Variants in THUMPD2 observed in about 807,000 individuals in gnomAD.
The protein encoded by THUMPD2 is U6 snRNA (guanine-N(2))-methyltransferase THUMPD2.
Under a neutral mutation model 49.4 loss-of-function variants are expected in THUMPD2, and 56 were observed. That is an observed-to-expected ratio of 1.13 (90% CI 0.91 to 1.41). THUMPD2 has a LOEUF of 1.41. Ranked by LOEUF, THUMPD2 falls within the 40% of genes most tolerant of loss-of-function variation. The pLI, the probability that THUMPD2 is intolerant of heterozygous loss-of-function variation, is 0.00. For missense variants in THUMPD2, 709 were observed against 594.5 expected (o/e 1.19, Z -2.00); for synonymous variants, 237 against 205.2 (o/e 1.15, Z -1.32).
intron 8 of THUMPD2, 105 bp downstream of exon 8, chr2:39,755,190 A>G: frequency 1.5e-6 from 1 of 677,446 alleles, no homozygotes; most frequent in Non-Finnish European, 2.4e-6. Flanking sequence ...AGATATATTA[A>G]AGGGTAAAAC....
At chr2:39,738,431 G>T (rs1673435201) in intron 9 of THUMPD2, among the ~76,000 whole-genome samples, 1 of 151,926 alleles carries the variant, frequency 6.6e-6, no homozygotes, top group Admixed American at 6.6e-5. Flanking sequence ...AGGTGTGGTG[G>T]CGTGTGCCTG....
intron 9 of THUMPD2, among the ~76,000 whole-genome samples, chr2:39,738,348 A>G (rs183483191): frequency 1.7e-4 from 26 of 152,274 alleles, no homozygotes; most frequent in Middle Eastern, 3.4e-3. Flanking sequence ...GGATCGCTTG[A>G]GCACAGGAGT....
intron 6 of THUMPD2, among the ~76,000 whole-genome samples, chr2:39,758,922 CAG>C (rs1330166070): frequency 6.6e-6 from 1 of 152,046 alleles, no homozygotes; most frequent in Non-Finnish European, 1.5e-5. Context: ...GAAGAGCTTT[CAG>C]AGATACTCAA....
At chr2:39,763,100 T>C (rs1677036738) in intron 5 of THUMPD2, among the ~76,000 whole-genome samples, 2 of 152,042 alleles carry the variant, frequency 1.3e-5, no homozygotes, top group South Asian at 2.1e-4. Flanking sequence ...TGCTTTACTT[T>C]CAGAGAACCT....
Position 39,753,001 on chromosome 2 carries a change from T to C in THUMPD2, c.1078+2294A>G, listed in dbSNP as rs558746747. On this transcript the variant is annotated intron_variant, in intron 8 of 9. Transcript: ENST00000505747. Reference sequence around the variant, plus strand: ...GGCCTGGATATAGCAGACAAGCAATTCTCCTCCTTCCTCCGTCATGCCAAA... The same window carrying C: ...GGCCTGGATATAGCAGACAAGCAATCCTCCTCCTTCCTCCGTCATGCCAAA... 6.6e-5 allele frequency among the ~76,000 whole-genome samples: 10 copies of C among 152,144 alleles called. No homozygotes were observed. The South Asian group carries it at 1.7e-3, about 25-fold the overall frequency.
At chr2:39,767,116 C>T (rs1057128365) in intron 4 of THUMPD2, among the ~76,000 whole-genome samples, 6 of 152,088 alleles carry the variant, frequency 3.9e-5, no homozygotes, top group East Asian at 1.9e-4. Context: ...AATTTTACTA[C>T]GTGTGATTTT....
chr2:39,761,367 T>C lies in THUMPD2; in HGVS notation c.855A>G (p.Thr285=). 1 of 1,613,802 alleles carries C rather than the reference T, an allele frequency of 6.2e-7. No individual in the cohort carries two copies. Among genetic ancestry groups the C allele is most frequent in the Non-Finnish European group, 8.5e-7 (1 of 1,179,764 alleles). The change falls in exon 6 of 10, where the codon ACA becomes ACG. Residue 285 remains threonine (T), a synonymous_variant. Transcript: ENST00000505747. The stretch of plus-strand genomic sequence containing the variant: ...CCAGAGATGCCATTGCCCACGCTAT[T>C]GTAGATCGCAGTCCAGCTGTCTTGA... The part of the protein sequence containing the change: ...AYIKTAGLRS[T]IAWAMASLAD...
chr2:39,772,676 C>A lies in THUMPD2; in HGVS notation c.127-1036G>T, dbSNP rs993104503. Among the ~76,000 whole-genome samples the A allele has an allele frequency of 6.6e-5, 10 of 152,132 alleles. No individual in the cohort carries two copies. The East Asian group carries it at 1.9e-3, about 29-fold the overall frequency. Reference sequence around the variant, plus strand: ...TTAACTCTTTTAGGGTCAACCCAACCCTCTTAAGTCCAGGATGGATGTGGG... The same window carrying A: ...TTAACTCTTTTAGGGTCAACCCAACACTCTTAAGTCCAGGATGGATGTGGG... On this transcript the variant is annotated intron_variant, in intron 1 of 9. Coordinates refer to ENST00000505747, the MANE Select transcript of THUMPD2 (RefSeq NM_025264.5).
chr2:39,747,795 AT>A (rs1223040120), intron 8 of THUMPD2, among the ~76,000 whole-genome samples: 1 of 152,140 alleles, frequency 6.6e-6, no homozygotes, highest in Non-Finnish European at 1.5e-5. Context: ...CAGTCCCTCC[AT>A]TGACAGTGCC....
In THUMPD2 at chr2:39,768,305, T is replaced by C; in HGVS notation, c.750+119A>G. The C allele has an allele frequency of 3.7e-6, 3 of 806,488 alleles. No homozygotes were observed. In the South Asian group the frequency reaches 4.9e-5, roughly 13 times the overall value. 50.0% of individuals were successfully genotyped at this position (806,488 alleles called of 1,614,324 possible). On this transcript the variant is annotated intron_variant, in intron 4 of 9. Coordinates refer to ENST00000505747, the MANE Select transcript of THUMPD2 (RefSeq NM_025264.5). ...GCTAAAGATAAAATGGACTGTTGGA[T>C]CCCTGTAGATACACTTTTTATAACT...
intron 9 of THUMPD2, among the ~76,000 whole-genome samples, chr2:39,744,064 G>A (rs1286595836): frequency 6.7e-6 from 1 of 150,314 alleles, no homozygotes; most frequent in South Asian, 2.1e-4. Flanking sequence ...TTTTGTGAGG[G>A]ATGGAAGCAA....
chr2:39,767,400 C>T (rs543894622), intron 4 of THUMPD2, among the ~76,000 whole-genome samples: 9 of 151,194 alleles, frequency 6.0e-5, no homozygotes, highest in South Asian at 2.1e-4. Context: ...GTCAGGAGAT[C>T]GAGACCATCC....
chr2:39,758,800 AGGAG>A (rs1193793449), intron 6 of THUMPD2, among the ~76,000 whole-genome samples: 1 of 151,390 alleles, frequency 6.6e-6, no homozygotes, highest in Non-Finnish European at 1.5e-5. Context: ...AAAAAAAAAA[AGGAG>A]GAGGTCCCTC....
intron 9 of THUMPD2, among the ~76,000 whole-genome samples, chr2:39,737,936 G>A (rs551145173): frequency 2.6e-4 from 39 of 152,256 alleles, no homozygotes; most frequent in African/African-American, 8.7e-4. Context: ...GGGGAGTAAG[G>A]AGTTCAGCTT....
intron 1 of THUMPD2, among the ~76,000 whole-genome samples, chr2:39,772,230 G>C (rs543272175): frequency 6.6e-6 from 1 of 152,302 alleles, no homozygotes; most frequent in East Asian, 1.9e-4. Context: ...TAAACTGTAA[G>C]CAACATTTGC....
rs796077415 is a variant in THUMPD2, at chr2:39,768,339, A to C, written c.750+85T>G. ...ATACACTTTTTATAACTGTAAAATAAAACGGAAAAGTATGATAAGAATACA... is the reference window on the plus strand; with the variant it reads ...ATACACTTTTTATAACTGTAAAATACAACGGAAAAGTATGATAAGAATACA... On this transcript the variant is annotated intron_variant, in intron 4 of 9. Coordinates refer to ENST00000505747, the MANE Select transcript of THUMPD2 (RefSeq NM_025264.5). 38 of 1,173,208 alleles carry C rather than the reference A, an allele frequency of 3.2e-5. No individual in the cohort carries two copies. The African/African-American group carries it at 4.5e-4, about 14-fold the overall frequency. 72.7% of individuals were successfully genotyped at this position (1,173,208 alleles called of 1,614,324 possible). A position where few individuals can be genotyped will look rare whatever the true frequency, so the allele number is the denominator to read the frequency against.
At position 39,736,404 on chromosome 2, in the gene THUMPD2, AT is replaced by A; in HGVS notation, c.*330del. ...AGTTAAAATATCCCGTCTGGTGTTG[AT>A]TGTGATACACTTAAGTGAACCCCTG... is the stretch of plus-strand genomic sequence containing the variant. On this transcript the variant is annotated 3_prime_UTR_variant, in exon 10 of 10. Transcript: ENST00000505747. 5.2e-6 allele frequency: 1 copy of A among 190,958 alleles called. No homozygotes were observed. Among genetic ancestry groups the A allele is most frequent in the Non-Finnish European group, 1.1e-5 (1 of 94,078 alleles). The allele number at this position is 190,958 out of a possible 1,614,324, so 11.8% of individuals were successfully genotyped here.
At chr2:39,766,005 C>T in intron 5 of THUMPD2, 52 bp downstream of exon 5, 1 of 1,421,972 alleles carries the variant, frequency 7.0e-7, no homozygotes, top group Non-Finnish European at 9.6e-7. Flanking sequence ...AACACAAGTT[C>T]TTAATTTAAC....
chr2:39,770,169 C>G (rs1678120828), intron 2 of THUMPD2, 50 bp from the exon 3 acceptor site: 2 of 1,279,520 alleles, frequency 1.6e-6, no homozygotes, highest in Non-Finnish European at 2.1e-6. Flanking sequence ...TAAAGACCAT[C>G]TATTACAATC....
Sources: allele counts gnomAD v4.1 joint callset (sites outside exome capture counted in the v4.1 genomes callset), GRCh38; gene constraint gnomAD v4.1.1; transcripts MANE v1.5; gene names NCBI Gene and HGNC (gene_info 2026-07-23, HGNC 2026-07-21).